MNAT1: variants seen among roughly 807,000 people sequenced by gnomAD.
MNAT1 encodes the protein CDK-activating kinase assembly factor MAT1.
MNAT1 carries 43 observed loss-of-function variants against 42.0 expected under a neutral mutation model. That is an observed-to-expected ratio of 1.02 (90% CI 0.80 to 1.32). The LOEUF (loss-of-function observed/expected upper bound fraction) is 1.32, where lower values mean the gene tolerates loss of function less well. MNAT1 is among the 40% of genes most tolerant of loss of function. The probability of loss-of-function intolerance (pLI) is 0.00; values close to 1 mark genes in which losing one functional copy is unlikely to be tolerated. For missense variants in MNAT1, 306 were observed against 350.4 expected, an observed-to-expected ratio of 0.87 and a Z score of 1.01; for synonymous variants, 118 against 120.0, an observed-to-expected ratio of 0.98 and a Z score of 0.11.
At chr14:60,845,789 T>C (rs2033667561) in intron 6 of MNAT1, among the ~76,000 whole-genome samples, 1 of 152,150 alleles carries the variant, frequency 6.6e-6, no homozygotes, top group Non-Finnish European at 1.5e-5. Context: ...ATGTAGTCTT[T>C]TGAGCCTAGC....
intron 7 of MNAT1, among the ~76,000 whole-genome samples, chr14:60,890,558 G>A (rs977016805): frequency 1.1e-4 from 17 of 152,142 alleles, no homozygotes; most frequent in African/African-American, 3.1e-4. Flanking sequence ...AAGCCAGTCC[G>A]AGTCCCAAAA....
At chr14:60,790,710 C>G (rs1020329907) in intron 1 of MNAT1, among the ~76,000 whole-genome samples, 2 of 152,144 alleles carry the variant, frequency 1.3e-5, no homozygotes, top group African/African-American at 4.8e-5. Flanking sequence ...TGAGTCCTGT[C>G]TCAGAAATAT....
At chr14:60,788,316 A>G (rs2031714765) in intron 1 of MNAT1, among the ~76,000 whole-genome samples, 1 of 152,154 alleles carries the variant, frequency 6.6e-6, no homozygotes, top group Admixed American at 6.6e-5. Flanking sequence ...ATATTAAGCA[A>G]ACCATGCTGT....
intron 7 of MNAT1, among the ~76,000 whole-genome samples, chr14:60,912,501 T>C (rs532937238): frequency 6.6e-6 from 1 of 152,318 alleles, no homozygotes; most frequent in Non-Finnish European, 1.5e-5. Flanking sequence ...TCAGGAGCTT[T>C]TGTAGGGCAG....
chr14:60,898,828 G>C lies in MNAT1; in HGVS notation c.809+18993G>C. Among the ~76,000 whole-genome samples, 2 of 151,944 alleles carry C rather than the reference G, an allele frequency of 1.3e-5. 1 individual carries two copies. The highest frequency in any genetic ancestry group is 3.9e-4 in the East Asian group (2 of 5,192). On this transcript the variant is annotated intron_variant, in intron 7 of 7. Coordinates refer to ENST00000261245, the MANE Select transcript of MNAT1 (RefSeq NM_002431.4). ...TTGAGGTCTTAGCCATAAAATCTTT[G>C]CCTAAACCAATGTCCTCAAGTGTTT...
intron 1 of MNAT1, among the ~76,000 whole-genome samples, chr14:60,773,183 C>T (rs981379101): frequency 1.8e-4 from 27 of 152,082 alleles, no homozygotes; most frequent in African/African-American, 5.8e-4. Flanking sequence ...GTGACCTGCC[C>T]GCCTTTGCCT....
intron 7 of MNAT1, among the ~76,000 whole-genome samples, chr14:60,922,096 G>T (rs1044374896): frequency 3.3e-5 from 5 of 152,096 alleles, no homozygotes; most frequent in African/African-American, 7.2e-5. Context: ...TATTTTTGCT[G>T]CCACTGCAAA....
intron 6 of MNAT1, among the ~76,000 whole-genome samples, chr14:60,825,829 G>A (rs775153089): frequency 6.6e-6 from 1 of 151,928 alleles, no homozygotes; most frequent in African/African-American, 2.4e-5. Flanking sequence ...TAATTTAAGG[G>A]GCAGGAGTCA....
intron 6 of MNAT1, among the ~76,000 whole-genome samples, chr14:60,857,446 C>T (rs866122186): frequency 1.2e-4 from 18 of 152,080 alleles, no homozygotes; most frequent in African/African-American, 4.1e-4. Flanking sequence ...GGAGTTGCTT[C>T]CTAGGGATGA....
chr14:60,737,635 A>G (rs939451333), intron 1 of MNAT1, among the ~76,000 whole-genome samples: 2 of 152,166 alleles, frequency 1.3e-5, no homozygotes, highest in African/African-American at 2.4e-5. Context: ...CCAGTATATC[A>G]TAAGATATAA....
At chr14:60,887,187 G>T (rs572837748) in intron 7 of MNAT1, among the ~76,000 whole-genome samples, 9 of 145,848 alleles carry the variant, frequency 6.2e-5, no homozygotes, top group African/African-American at 2.0e-4. Flanking sequence ...TGTTGTTGTT[G>T]TTACATATCA....
chr14:60,896,385 A>G (rs965689520), intron 7 of MNAT1, among the ~76,000 whole-genome samples: 18 of 152,178 alleles, frequency 1.2e-4, no homozygotes, highest in Admixed American at 6.5e-5. Flanking sequence ...ATATTTTACT[A>G]CCTTCCACTC....
rs535125285 is a variant in MNAT1 at position 60,741,649 on chromosome 14, G to A, written c.89+6698G>A. Among the ~76,000 whole-genome samples the A allele has an allele frequency of 2.2e-4, 30 of 138,556 alleles. No individual in the cohort carries two copies. The South Asian group carries it at 6.4e-3, about 30-fold the overall frequency. 90.9% of individuals were successfully genotyped at this position (138,556 alleles called of 152,430 possible). A position where few individuals can be genotyped will look rare whatever the true frequency, so the allele number is the denominator to read the frequency against. On this transcript the variant is annotated intron_variant, in intron 1 of 7. Coordinates refer to ENST00000261245, the MANE Select transcript of MNAT1 (RefSeq NM_002431.4). ...GCTGGGATTACAGGCGTGAGCCACT[G>A]CGCCTGGGGTTTTTTTTTTTTTTTT...
At chr14:60,928,736 T>G (rs2035816486) in intron 7 of MNAT1, among the ~76,000 whole-genome samples, 1 of 152,088 alleles carries the variant, frequency 6.6e-6, no homozygotes, top group African/African-American at 2.4e-5. Flanking sequence ...GATTATGTGA[T>G]TTTTTAAATA....
At chr14:60,847,062 T>C (rs2033699890) in intron 6 of MNAT1, among the ~76,000 whole-genome samples, 1 of 152,232 alleles carries the variant, frequency 6.6e-6, no homozygotes, top group Non-Finnish European at 1.5e-5. Flanking sequence ...TTGACCCTTT[T>C]ATCATTATGA....
At position 60,863,399 on chromosome 14, in the gene MNAT1, G is replaced by T. The variant is rs575303909; in HGVS notation, c.688-16315G>T. 3.3e-5 allele frequency among the ~76,000 whole-genome samples: 5 copies of T among 152,206 alleles called. No homozygotes were observed. The South Asian group carries it at 1.0e-3, about 32-fold the overall frequency. On this transcript the variant is annotated intron_variant, in intron 6 of 7. Coordinates refer to ENST00000261245, the MANE Select transcript of MNAT1 (RefSeq NM_002431.4). ...AGGCAACCATTGGTTTCAGTGTGGG[G>T]ATTAATTAGTAATCTTTAGAATGTG...
chr14:60,900,048 ATCTCTCTCTCTCTC>A (rs61149455), intron 7 of MNAT1, among the ~76,000 whole-genome samples: 5 of 136,320 alleles, frequency 3.7e-5, no homozygotes, highest in Admixed American at 7.4e-5. Flanking sequence ...CTGTTTCCCC[ATCTCTCTCTCTCTC>A]TCTCTCTCTC....
chr14:60,928,537 C>A (rs2035811538), intron 7 of MNAT1, among the ~76,000 whole-genome samples: 2 of 152,226 alleles, frequency 1.3e-5, no homozygotes, highest in African/African-American at 2.4e-5. Context: ...TTGATTATAA[C>A]CATTGTTGCG....
At position 60,782,413 on chromosome 14, in the gene MNAT1, A is replaced by G. The variant is rs574954857; in HGVS notation, c.90-13804A>G. On this transcript the variant is annotated intron_variant, in intron 1 of 7. Transcript: ENST00000261245. ...ATACACTGTGTGTATTGATACCTTTATTTTTTTTGTGATCTCTGCCTGGAA... is the reference window on the plus strand; with the variant it reads ...ATACACTGTGTGTATTGATACCTTTGTTTTTTTTGTGATCTCTGCCTGGAA... 2.0e-5 allele frequency among the ~76,000 whole-genome samples: 3 copies of G among 151,748 alleles called. No individual in the cohort carries two copies. The South Asian group carries it at 6.3e-4, about 32-fold the overall frequency.
Sources: gnomAD v4.1 joint callset for allele counts (sites outside exome capture counted in the v4.1 genomes callset) on GRCh38, gnomAD v4.1.1 for gene constraint, MANE v1.5 for transcripts, NCBI Gene and HGNC (gene_info 2026-07-23, HGNC 2026-07-21) for gene names.